Variants in HGSNAT observed in about 807,000 individuals in gnomAD.
The protein encoded by HGSNAT is heparan-alpha-glucosaminide N-acetyltransferase, also known as transmembrane protein 76.
In HGSNAT, 59 loss-of-function variants were observed where a neutral mutation model predicts 85.2. The ratio of observed to expected loss-of-function variants is 0.69; its 90% confidence interval spans 0.56 to 0.86. The LOEUF is 0.86. Ranked by LOEUF, HGSNAT falls within the 40% of genes least tolerant of loss-of-function variation. HGSNAT has a pLI of 0.00. For missense variants in HGSNAT, 756 were observed against 777.1 expected (o/e 0.97, Z 0.32); for synonymous variants, 321 against 304.5 (o/e 1.05, Z -0.56).
chr8:43,199,323 A>T, intron 17 of HGSNAT, 65 bp from the exon 18 acceptor site: 1 of 1,184,024 alleles, frequency 8.4e-7, no homozygotes, highest in Non-Finnish European at 1.2e-6. Flanking sequence ...TTCAAGAATT[A>T]AATAGATGGT....
chr8:43,151,585 AATT>A (rs1456828540), intron 2 of HGSNAT, among the ~76,000 whole-genome samples: 1 of 152,216 alleles, frequency 6.6e-6, no homozygotes, highest in Non-Finnish European at 1.5e-5. Flanking sequence ...AGACTGGATA[AATT>A]AAAAAAAGCA....
At chr8:43,167,300 C>T (rs960165492) in intron 5 of HGSNAT, among the ~76,000 whole-genome samples, 3 of 152,172 alleles carry the variant, frequency 2.0e-5, no homozygotes, top group African/African-American at 4.8e-5. Flanking sequence ...AACAGCATCA[C>T]GTGCTGCAGA....
chr8:43,140,992 G>A (rs1265642961), intron 1 of HGSNAT, among the ~76,000 whole-genome samples: 1 of 152,206 alleles, frequency 6.6e-6, no homozygotes, highest in Non-Finnish European at 1.5e-5. Flanking sequence ...GGATCGGGGG[G>A]GCTCGGACTC....
chr8:43,146,119 G>A (rs1802704038), intron 1 of HGSNAT, among the ~76,000 whole-genome samples: 1 of 152,054 alleles, frequency 6.6e-6, no homozygotes, highest in African/African-American at 2.4e-5. Flanking sequence ...GTGAACTGGT[G>A]AGCTGTGTGA....
At chr8:43,146,825 C>T in intron 1 of HGSNAT, 123 bp from the exon 2 acceptor site, 1 of 612,240 alleles carries the variant, frequency 1.6e-6, no homozygotes, top group Non-Finnish European at 2.8e-6. Context: ...CCCCAGAAAT[C>T]CCAGAGTGTA....
At chr8:43,179,115 T>C (rs1171969980) in intron 10 of HGSNAT, among the ~76,000 whole-genome samples, 1 of 146,632 alleles carries the variant, frequency 6.8e-6, no homozygotes, top group Non-Finnish European at 1.5e-5. Flanking sequence ...CCATCCCCAA[T>C]GAGCCGCTGG....
In HGSNAT at chr8:43,140,466, G is replaced by T. The variant is rs1165264908; in HGVS notation, c.-31G>T. ...AGCAGCGCAGGGCGGGGCGCAGCGG[G>T]CAGGCAAGGGCGGCCGAGCGGGCGG... On this transcript the variant is annotated 5_prime_UTR_variant, in exon 1 of 18. Transcript: ENST00000379644. The T allele has an allele frequency of 1.1e-6, 1 of 912,910 alleles. No individual in the cohort carries two copies. The highest frequency in any genetic ancestry group is 4.8e-5 in the South Asian group (1 of 20,724). The allele number at this position is 912,910 out of a possible 1,614,324, so 56.6% of individuals were successfully genotyped here. A position where few individuals can be genotyped will look rare whatever the true frequency, so the allele number is the denominator to read the frequency against.
chr8:43,178,811 C>T (rs1397604921), intron 10 of HGSNAT, among the ~76,000 whole-genome samples: 3 of 146,342 alleles, frequency 2.0e-5, no homozygotes, highest in African/African-American at 7.6e-5. Flanking sequence ...GTGGTGATGA[C>T]TCTTAACGAG....
chr8:43,193,737 T>G lies in HGSNAT; in HGVS notation c.1378-20T>G, dbSNP rs376109017. On this transcript the variant is annotated intron_variant, in intron 13 of 17. Transcript: ENST00000379644. ...TTCAGATCAGTGAGTGAGTGCTGCC[T>G]TCTGCTTCTGTTTGTTAAGGTACTT... 8.9e-5 allele frequency: 140 copies of G among 1,570,872 alleles called. No homozygotes were observed. The highest frequency in any genetic ancestry group is 1.7e-4 in the Middle Eastern group (1 of 6,014).
intron 7 of HGSNAT, 97 bp from the exon 8 acceptor site, chr8:43,172,213 C>G (rs1465843055): frequency 1.2e-6 from 1 of 848,120 alleles, no homozygotes; most frequent in Non-Finnish European, 2.1e-6. Flanking sequence ...TGCATTGTTG[C>G]ATGATTGCAC....
intron 1 of HGSNAT, among the ~76,000 whole-genome samples, chr8:43,143,829 A>C (rs2130664955): frequency 6.6e-6 from 1 of 151,408 alleles, no homozygotes; most frequent in African/African-American, 2.4e-5. Context: ...TACAGGTGTG[A>C]GCCACCGTGC....
chr8:43,164,495 T>G (rs557742601), intron 5 of HGSNAT, among the ~76,000 whole-genome samples: 1 of 152,214 alleles, frequency 6.6e-6, no homozygotes, highest in East Asian at 1.9e-4. Flanking sequence ...GCGAGAGACG[T>G]GCAGCCGGAC....
chr8:43,165,032 G>A (rs1803389031), intron 5 of HGSNAT, among the ~76,000 whole-genome samples: 2 of 144,082 alleles, frequency 1.4e-5, no homozygotes, highest in South Asian at 4.4e-4. Context: ...AGAGGCATGT[G>A]CCACCATGAT....
At chr8:43,184,348 T>C (rs1270953913) in intron 11 of HGSNAT, among the ~76,000 whole-genome samples, 2 of 152,132 alleles carry the variant, frequency 1.3e-5, no homozygotes, top group African/African-American at 4.8e-5. Flanking sequence ...TGAGATGGTA[T>C]CTCATTGTGG....
chr8:43,174,168 G>C (rs1434061719), intron 9 of HGSNAT: 2 of 152,302 alleles, frequency 1.3e-5, no homozygotes, highest in Non-Finnish European at 2.9e-5. Flanking sequence ...GGTGAGCAGA[G>C]ATCACGCCAC....
intron 5 of HGSNAT, among the ~76,000 whole-genome samples, chr8:43,163,139 G>A (rs1803320279): frequency 6.6e-6 from 1 of 152,130 alleles, no homozygotes; most frequent in Non-Finnish European, 1.5e-5. Flanking sequence ...GTTGGAGGTT[G>A]CAGTGATCTG....
intron 9 of HGSNAT, among the ~76,000 whole-genome samples, chr8:43,176,160 T>C (rs981131907): frequency 1.3e-5 from 2 of 152,216 alleles, no homozygotes; most frequent in African/African-American, 4.8e-5. Flanking sequence ...TGTTTTCTCT[T>C]AGTAGTTTCA....
At chr8:43,149,660 A>G (rs60259766) in intron 2 of HGSNAT, among the ~76,000 whole-genome samples, 3,125 of 151,968 alleles carry the variant, frequency 0.021, 119 homozygotes, top group African/African-American at 0.071. Context: ...AGATCGGGCC[A>G]CTGTACTCCA....
rs538359496 is a variant in HGSNAT at position 43,189,313 on chromosome 8, C to G, written c.1129-2161C>G. Among the ~76,000 whole-genome samples the G allele has an allele frequency of 1.3e-4, 20 of 152,314 alleles. No individual in the cohort carries two copies. The South Asian group carries it at 2.3e-3, about 17-fold the overall frequency. ...CAAGCTCCCCACCTGCTTTGTTTAC[C>G]TTCTCAAGCCTCAGCAATGGCGGAT... is the stretch of plus-strand genomic sequence containing the variant. On this transcript the variant is annotated intron_variant, in intron 11 of 17. Coordinates refer to ENST00000379644, the MANE Select transcript of HGSNAT (RefSeq NM_152419.3).
Sources: allele counts gnomAD v4.1 joint callset (sites outside exome capture counted in the v4.1 genomes callset), GRCh38; gene constraint gnomAD v4.1.1; transcripts MANE v1.5; gene names NCBI Gene and HGNC (gene_info 2026-07-23, HGNC 2026-07-21).